Variants in NDST3 observed in about 807,000 individuals in gnomAD.
NDST3 encodes N-deacetylase and N-sulfotransferase 3.
In NDST3, 58 loss-of-function variants were observed where a neutral mutation model predicts 96.1. That is an observed-to-expected ratio of 0.60 (90% CI 0.49 to 0.75). NDST3 has a LOEUF of 0.75. Ranked by LOEUF, NDST3 falls within the 30% of genes least tolerant of loss-of-function variation. NDST3 has a pLI of 0.00. For synonymous variants in NDST3, 333 were observed against 359.7 expected (o/e 0.93, Z 0.84); for missense variants, 788 against 1,034.2 (o/e 0.76, Z 3.27).
chr4:118,070,941 T>C (rs962437450), intron 2 of NDST3, among the ~76,000 whole-genome samples: 1 of 152,116 alleles, frequency 6.6e-6, no homozygotes, highest in Admixed American at 6.6e-5. Flanking sequence ...AATGATGGTT[T>C]CCAGCTTCAT....
intron 7 of NDST3, among the ~76,000 whole-genome samples, chr4:118,224,900 A>G (rs918467858): frequency 2.6e-5 from 4 of 152,178 alleles, no homozygotes; most frequent in African/African-American, 9.6e-5. Context: ...CGGAAAGTTC[A>G]GTGACAGATT....
At chr4:118,143,407 T>C (rs1733704547) in intron 5 of NDST3, 149 bp from the exon 6 acceptor site, 1 of 682,710 alleles carries the variant, frequency 1.5e-6, no homozygotes, top group Non-Finnish European at 2.3e-6. Context: ...CACCTTCCCT[T>C]GCCTAGAGTA....
intron 2 of NDST3, among the ~76,000 whole-genome samples, chr4:118,103,451 A>ATT (rs776254271): frequency 5.9e-5 from 9 of 152,154 alleles, no homozygotes; most frequent in Non-Finnish European, 1.0e-4. Context: ...AATTGTCAGC[A>ATT]TTATATATAT....
At chr4:118,215,712 A>G (rs141591254) in intron 6 of NDST3, among the ~76,000 whole-genome samples, 191 of 152,232 alleles carry the variant, frequency 1.3e-3, no homozygotes, top group African/African-American at 4.4e-3. Context: ...TGCGATGAAA[A>G]GCACTGGGGG....
intron 6 of NDST3, among the ~76,000 whole-genome samples, chr4:118,172,343 G>A (rs1230453247): frequency 2.0e-5 from 3 of 152,108 alleles, no homozygotes; most frequent in Admixed American, 1.3e-4. Flanking sequence ...TGTCTCCTAA[G>A]GAAAGAGTGC....
At chr4:118,086,806 G>A (rs1728458699) in intron 2 of NDST3, among the ~76,000 whole-genome samples, 1 of 152,038 alleles carries the variant, frequency 6.6e-6, no homozygotes, top group Admixed American at 6.6e-5. Flanking sequence ...GAAAATGAAA[G>A]GCTAATTCAT....
At chr4:118,219,825 A>T (rs985977633) in intron 6 of NDST3, among the ~76,000 whole-genome samples, 12 of 152,154 alleles carry the variant, frequency 7.9e-5, no homozygotes, top group Non-Finnish European at 1.6e-4. Flanking sequence ...GGAAAAAACA[A>T]ACATCATCAT....
At chr4:118,164,014 T>C (rs1735379724) in intron 6 of NDST3, among the ~76,000 whole-genome samples, 1 of 152,134 alleles carries the variant, frequency 6.6e-6, no homozygotes, top group South Asian at 2.1e-4. Context: ...CCCAAAGGAA[T>C]ATAAATTGTT....
chr4:118,148,177 A>G (rs1438685942), intron 6 of NDST3, among the ~76,000 whole-genome samples: 1 of 152,232 alleles, frequency 6.6e-6, no homozygotes, highest in Non-Finnish European at 1.5e-5. Flanking sequence ...AGGCGCCTGT[A>G]GTCCCAGCTA....
chr4:118,203,983 A>G (rs1738266678), intron 6 of NDST3, among the ~76,000 whole-genome samples: 1 of 152,140 alleles, frequency 6.6e-6, no homozygotes, highest in Admixed American at 6.5e-5. Context: ...TTCTGTCTGA[A>G]CCATTCAGAC....
chr4:118,092,035 G>A (rs1029627785), intron 2 of NDST3, among the ~76,000 whole-genome samples: 7 of 121,844 alleles, frequency 5.7e-5, no homozygotes, highest in African/African-American at 1.9e-4. Flanking sequence ...ACAACTCTGT[G>A]AGGTAGGTAT....
At chr4:118,154,242 T>C (rs954715126) in intron 6 of NDST3, among the ~76,000 whole-genome samples, 1 of 152,214 alleles carries the variant, frequency 6.6e-6, no homozygotes, top group Non-Finnish European at 1.5e-5. Flanking sequence ...AAGTCACATA[T>C]GTTGCCTAAC....
At chr4:118,241,933 C>G (rs180835501) in intron 11 of NDST3, 107 bp from the exon 12 acceptor site, 23 of 691,560 alleles carry the variant, frequency 3.3e-5, no homozygotes, top group African/African-American at 3.1e-4. Context: ...GCATGCAATT[C>G]TGCTCAGGAC....
Position 118,138,092 on chromosome 4 carries a change from C to G in NDST3, c.1263C>G (p.Ala421=). 1 of 1,613,122 alleles carries G rather than the reference C, an allele frequency of 6.2e-7. No homozygotes were observed. Among genetic ancestry groups the G allele is most frequent in the Non-Finnish European group, 8.5e-7 (1 of 1,179,514 alleles). ...CAACGGACATGGGCTACGCTGTGGC[C>G]CCTCACCATTCGGGCGTCTACCCTG... ...GIPTDMGYAV[A]PHHSGVYPVH... Residue 421 remains alanine, a synonymous_variant, in exon 5 of 14, where the codon GCC becomes GCG. Transcript: ENST00000296499.
intron 1 of NDST3, among the ~76,000 whole-genome samples, chr4:118,037,757 T>G (rs1271680708): frequency 6.6e-6 from 1 of 152,184 alleles, no homozygotes; most frequent in Non-Finnish European, 1.5e-5. Context: ...GTTCAGGTGA[T>G]TTCTTTCTCC....
chr4:118,194,514 G>A (rs1737535534), intron 6 of NDST3: 1 of 720,114 alleles, frequency 1.4e-6, no homozygotes, highest in Non-Finnish European at 2.6e-6. Context: ...CCTTTTCCCA[G>A]GTCAAAGGAG....
At chr4:118,041,596 T>C (rs1036566246) in intron 1 of NDST3, among the ~76,000 whole-genome samples, 1 of 152,216 alleles carries the variant, frequency 6.6e-6, no homozygotes, top group Non-Finnish European at 1.5e-5. Flanking sequence ...CAACTGTCAG[T>C]TCTGTACTGC....
chr4:118,138,644 A>G (rs776836667), intron 5 of NDST3, among the ~76,000 whole-genome samples: 1 of 152,198 alleles, frequency 6.6e-6, no homozygotes, highest in African/African-American at 2.4e-5. Flanking sequence ...TTACCATGCC[A>G]GGCTAAAAAA....
intron 11 of NDST3, among the ~76,000 whole-genome samples, chr4:118,241,540 G>A (rs1327721571): frequency 6.6e-6 from 1 of 152,146 alleles, no homozygotes; most frequent in Non-Finnish European, 1.5e-5. Context: ...CTTTGTCCAT[G>A]TTCAAGTTTC....
Sources: gnomAD v4.1 joint callset for allele counts (sites outside exome capture counted in the v4.1 genomes callset) on GRCh38, gnomAD v4.1.1 for gene constraint, MANE v1.5 for transcripts, NCBI Gene and HGNC (gene_info 2026-07-23, HGNC 2026-07-21) for gene names.